DNAH8: variants seen among roughly 807,000 people sequenced by gnomAD.
The protein encoded by DNAH8 is dynein axonemal heavy chain 8, also known as axonemal beta dynein heavy chain 8.
A neutral mutation model predicts 562.1 loss-of-function variants in DNAH8; 382 were observed. That is an observed-to-expected ratio of 0.68 (90% confidence interval 0.63 to 0.74). The LOEUF (loss-of-function observed/expected upper bound fraction) is 0.74, where lower values mean the gene tolerates loss of function less well. DNAH8 is among the 30% of genes least tolerant of loss of function. DNAH8 has a pLI of 0.00. For missense variants in DNAH8, 5,203 were observed against 5,620.4 expected (o/e 0.93, Z 2.37); for synonymous variants, 1,881 against 1,919.4 (o/e 0.98, Z 0.52).
At chr6:38,779,896 T>C (rs553646092) in intron 14 of DNAH8, 70 bp from the exon 15 acceptor site, 1 of 1,381,620 alleles carries the variant, frequency 7.2e-7, no homozygotes, top group South Asian at 1.2e-5. Flanking sequence ...GAATGGATGG[T>C]TAGTATGACA....
At chr6:38,873,895 A>C (rs1263430683) in intron 52 of DNAH8, among the ~76,000 whole-genome samples, 2 of 151,964 alleles carry the variant, frequency 1.3e-5, no homozygotes, top group Admixed American at 6.5e-5. Context: ...CAATCAAGAA[A>C]ACTTGGGAGG....
intron 48 of DNAH8, among the ~76,000 whole-genome samples, chr6:38,868,872 A>C (rs1777264858): frequency 6.6e-6 from 1 of 151,876 alleles, no homozygotes; most frequent in African/African-American, 2.4e-5. Flanking sequence ...GGGTTTTGCC[A>C]TGTCACCCAG....
At position 38,997,547 on chromosome 6, in the gene DNAH8, T is replaced by C. The variant is rs113160615; in HGVS notation, c.13214+7375T>C. Among the ~76,000 whole-genome samples the C allele has an allele frequency of 2.0e-3, 305 of 152,140 alleles. 1 individual carries two copies. Among genetic ancestry groups the C allele is most frequent in the African/African-American group, 6.9e-3 (287 of 41,508 alleles). ...GGGCATGTTGAGCTGGGAAAGAACA[T>C]GGGATATAAATGAATGGGGTGAGAA... On this transcript the variant is annotated intron_variant, in intron 88 of 92. Transcript: ENST00000327475.
At chr6:38,861,973 G>T (rs2150409623) in intron 43 of DNAH8, among the ~76,000 whole-genome samples, 1 of 87,652 alleles carries the variant, frequency 1.1e-5, no homozygotes, top group Non-Finnish European at 2.4e-5. Flanking sequence ...TTTCTGGAGA[G>T]CCAGTTGTTA....
At chr6:38,751,406 C>T (rs900966776) in intron 9 of DNAH8, among the ~76,000 whole-genome samples, 3 of 152,160 alleles carry the variant, frequency 2.0e-5, no homozygotes, top group Non-Finnish European at 2.9e-5. Flanking sequence ...CTGGTTCACT[C>T]TGGGTGGGTA....
chr6:39,014,468 T>G (rs1929901), intron 91 of DNAH8, among the ~76,000 whole-genome samples: 1 of 152,042 alleles, frequency 6.6e-6, no homozygotes, highest in African/African-American at 2.4e-5. Flanking sequence ...CTAGGTACTT[T>G]CAATGAAGAG....
At chr6:38,812,226 G>A (rs1436609822) in intron 24 of DNAH8, among the ~76,000 whole-genome samples, 1 of 152,100 alleles carries the variant, frequency 6.6e-6, no homozygotes, top group Non-Finnish European at 1.5e-5. Context: ...CCCTGGCTAG[G>A]CTGTCCTTGA....
intron 26 of DNAH8, among the ~76,000 whole-genome samples, chr6:38,818,926 A>G (rs1398343065): frequency 6.6e-6 from 1 of 152,224 alleles, no homozygotes; most frequent in Admixed American, 6.5e-5. Context: ...GAGGCAGGTA[A>G]TTGTGATATA....
chr6:38,769,982 T>G (rs1044749018), intron 11 of DNAH8, among the ~76,000 whole-genome samples: 3 of 152,220 alleles, frequency 2.0e-5, no homozygotes, highest in Non-Finnish European at 4.4e-5. Context: ...ATATTAGGAT[T>G]TCAGCAATGT....
chr6:39,005,928 G>A (rs537800356), intron 88 of DNAH8, among the ~76,000 whole-genome samples: 5 of 152,344 alleles, frequency 3.3e-5, no homozygotes, highest in African/African-American at 1.2e-4. Context: ...GTCCAAGGGC[G>A]GGAGGGATTT....
chr6:38,785,496 G>GGT lies in DNAH8; in HGVS notation c.2396-1268_2396-1267dup, dbSNP rs965937414. 3.9e-4 allele frequency among the ~76,000 whole-genome samples: 60 copies of GGT among 152,198 alleles called. 1 individual carries two copies. Among genetic ancestry groups the GGT allele is most frequent in the Admixed American group, 3.9e-3 (59 of 15,288 alleles). Reference sequence around the variant, plus strand: ...TCAAAAGTTCTTTTGGAATTTCCTTGGTAGGATAAGTGATTTATTTATTTA... The same window carrying GGT: ...TCAAAAGTTCTTTTGGAATTTCCTTGGTGTAGGATAAGTGATTTATTTATTTA... On this transcript the variant is annotated intron_variant, in intron 17 of 92. Transcript: ENST00000327475.
chr6:38,961,359 G>T (rs138001337), intron 82 of DNAH8, among the ~76,000 whole-genome samples: 8 of 152,032 alleles, frequency 5.3e-5, no homozygotes, highest in Admixed American at 1.3e-4. Flanking sequence ...TACCTGATTT[G>T]ATCATTACAC....
chr6:38,835,842 G>A (rs1195378618), intron 32 of DNAH8, among the ~76,000 whole-genome samples: 1 of 152,100 alleles, frequency 6.6e-6, no homozygotes, highest in African/African-American at 2.4e-5. Context: ...TAAGCAGGGA[G>A]TGATATGATC....
chr6:38,731,041 C>G (rs1455014867), intron 4 of DNAH8, among the ~76,000 whole-genome samples: 3 of 152,158 alleles, frequency 2.0e-5, no homozygotes, highest in Non-Finnish European at 4.4e-5. Context: ...TTGTGTTCTT[C>G]TACCTTCCTC....
At chr6:39,025,433 G>A (rs1273663729) in intron 91 of DNAH8, among the ~76,000 whole-genome samples, 1 of 152,182 alleles carries the variant, frequency 6.6e-6, no homozygotes, top group Non-Finnish European at 1.5e-5. Context: ...TTGGTACATG[G>A]TGGCCACTTC....
At chr6:38,997,563 G>A (rs983065889) in intron 88 of DNAH8, among the ~76,000 whole-genome samples, 1 of 152,092 alleles carries the variant, frequency 6.6e-6, no homozygotes, top group African/African-American at 2.4e-5. Flanking sequence ...ATAAATGAAT[G>A]GGGTGAGAAA....
At chr6:38,749,489 A>G (rs936240796) in intron 8 of DNAH8, among the ~76,000 whole-genome samples, 7 of 150,998 alleles carry the variant, frequency 4.6e-5, no homozygotes, top group African/African-American at 1.7e-4. Context: ...CATATATACT[A>G]TGTAACAAAC....
At chr6:38,979,242 CAGTT>C (rs1047005995) in intron 85 of DNAH8, among the ~76,000 whole-genome samples, 1 of 152,236 alleles carries the variant, frequency 6.6e-6, no homozygotes, top group African/African-American at 2.4e-5. Context: ...GAAATTTTGA[CAGTT>C]AATTATATTC....
chr6:38,930,227 G>A (rs553090449), intron 75 of DNAH8, among the ~76,000 whole-genome samples: 1 of 152,142 alleles, frequency 6.6e-6, no homozygotes, highest in Non-Finnish European at 1.5e-5. Context: ...GGAAGCTATG[G>A]AATATTGTTC....
Sources: gnomAD v4.1 joint callset for allele counts (sites outside exome capture counted in the v4.1 genomes callset) on GRCh38, gnomAD v4.1.1 for gene constraint, MANE v1.5 for transcripts, NCBI Gene and HGNC (gene_info 2026-07-23, HGNC 2026-07-21) for gene names.